NCKAP5: variants seen among roughly 807,000 people sequenced by gnomAD.
NCKAP5 encodes the protein nck-associated protein 5.
Under a neutral mutation model 167.0 loss-of-function variants are expected in NCKAP5, and 92 were observed. The ratio of observed to expected loss-of-function variants is 0.55; its 90% CI spans 0.47 to 0.66. NCKAP5 has a LOEUF of 0.66. NCKAP5 is among the 30% of genes least tolerant of loss of function. The probability of loss-of-function intolerance (pLI) is 0.00; values close to 1 mark genes in which losing one functional copy is unlikely to be tolerated. For synonymous variants in NCKAP5, 891 were observed against 877.4 expected, an observed-to-expected ratio of 1.02 and a Z score of -0.27; for missense variants, 2,378 against 2,315.0, an observed-to-expected ratio of 1.03 and a Z score of -0.56.
chr2:133,095,797 T>C (rs1397465314), intron 6 of NCKAP5, among the ~76,000 whole-genome samples: 1 of 152,226 alleles, frequency 6.6e-6, no homozygotes, highest in African/African-American at 2.4e-5. Context: ...ATTCTCCTAT[T>C]GATAAACAGT....
chr2:132,768,294 A>C (rs927266403), intron 16 of NCKAP5, among the ~76,000 whole-genome samples: 2 of 152,180 alleles, frequency 1.3e-5, no homozygotes, highest in African/African-American at 4.8e-5. Context: ...AAGATTTTAC[A>C]AATCCCCTGT....
chr2:133,273,111 T>C (rs1295543141), intron 4 of NCKAP5, among the ~76,000 whole-genome samples: 3 of 152,174 alleles, frequency 2.0e-5, no homozygotes, highest in African/African-American at 7.2e-5. Context: ...GTTTAACATT[T>C]TGAGGAACTG....
chr2:132,704,989 A>G (rs1311250724), intron 19 of NCKAP5, among the ~76,000 whole-genome samples: 3 of 152,142 alleles, frequency 2.0e-5, no homozygotes, highest in African/African-American at 2.4e-5. Context: ...GAAAACTGCA[A>G]TGCCTTCTAA....
intron 8 of NCKAP5, among the ~76,000 whole-genome samples, chr2:132,908,526 T>TAATA (rs878949978): frequency 6.6e-6 from 1 of 152,236 alleles, no homozygotes; most frequent in Admixed American, 6.5e-5. Flanking sequence ...TAATCTTGAC[T>TAATA]AATACTAAGC....
At chr2:133,056,722 G>A (rs1304217596) in intron 6 of NCKAP5, among the ~76,000 whole-genome samples, 2 of 152,154 alleles carry the variant, frequency 1.3e-5, no homozygotes, top group Admixed American at 1.3e-4. Flanking sequence ...TAAGTTACAA[G>A]TACTATATGG....
chr2:133,660,089 A>G, the NCKAP5 span, among the ~76,000 whole-genome samples: 1 of 152,090 alleles, frequency 6.6e-6, no homozygotes, highest in East Asian at 1.9e-4. Context: ...AATCCTCTCT[A>G]TTTCTCACAG....
chr2:132,881,085 C>T (rs1558894473), intron 8 of NCKAP5, among the ~76,000 whole-genome samples: 1 of 152,200 alleles, frequency 6.6e-6, no homozygotes. Context: ...AATTTTTTTC[C>T]AGTATACAAT....
intron 6 of NCKAP5, among the ~76,000 whole-genome samples, chr2:133,012,689 T>C (rs2078203009): frequency 6.6e-6 from 1 of 152,176 alleles, no homozygotes; most frequent in African/African-American, 2.4e-5. Context: ...AGTCTTCTCC[T>C]TCCTATCTCA....
chr2:132,891,655 T>C (rs1478581532), intron 8 of NCKAP5, among the ~76,000 whole-genome samples: 1 of 152,234 alleles, frequency 6.6e-6, no homozygotes, highest in Non-Finnish European at 1.5e-5. Flanking sequence ...GTGTGTGATT[T>C]GGAAAACCAT....
chr2:133,619,780 T>A, the NCKAP5 span, among the ~76,000 whole-genome samples: 2 of 152,088 alleles, frequency 1.3e-5, no homozygotes, highest in African/African-American at 4.8e-5. Context: ...TGTAAAAAGA[T>A]CATCACCTAG....
In NCKAP5 at chr2:133,558,704, C is replaced by CAAAAAAAAAAAAAAAAAAAAAAAAAAAAA. The variant is rs60051493; in HGVS notation, c.-62+345_-62+346insTTTTTTTTTTTTTTTTTTTTTTTTTTTTT. Among the ~76,000 whole-genome samples, 8 of 50,872 alleles carry CAAAAAAAAAAAAAAAAAAAAAAAAAAAAA rather than the reference C, an allele frequency of 1.6e-4. 3 individuals carry two copies. The highest frequency in any genetic ancestry group is 1.4e-3 in the East Asian group (2 of 1,382). 33.4% of individuals were successfully genotyped at this position (50,872 alleles called of 152,430 possible). ...ACATAAACAGATGCAATGTGCTGAG[C>CAAAAAAAAAAAAAAAAAAAAAAAAAAAAA]AAAAAAAAAAAAAAAAAAAAAAGCC... is the stretch of plus-strand genomic sequence containing the variant. On this transcript the variant is annotated intron_variant, in intron 2 of 19. Transcript: ENST00000409261.
At chr2:133,235,053 T>G (rs920156654) in intron 4 of NCKAP5, among the ~76,000 whole-genome samples, 7 of 151,288 alleles carry the variant, frequency 4.6e-5, no homozygotes, top group Non-Finnish European at 1.0e-4. Context: ...TAGAGTCTCA[T>G]GGAACTGAAG....
At chr2:133,061,939 A>AT (rs1210076565) in intron 6 of NCKAP5, among the ~76,000 whole-genome samples, 8 of 151,714 alleles carry the variant, frequency 5.3e-5, no homozygotes, top group African/African-American at 1.7e-4. Context: ...ACATGCCCAC[A>AT]TTTTTTTTGG....
chr2:133,592,871 T>C, the NCKAP5 span, among the ~76,000 whole-genome samples: 1 of 152,336 alleles, frequency 6.6e-6, no homozygotes, highest in East Asian at 1.9e-4. Flanking sequence ...TGTTATGACA[T>C]GCCCAGCTTC....
chr2:133,309,448 T>C (rs1251149847), intron 3 of NCKAP5, among the ~76,000 whole-genome samples: 3 of 152,122 alleles, frequency 2.0e-5, no homozygotes, highest in Admixed American at 6.5e-5. Context: ...GATAAAAGCA[T>C]TTCACCAAAG....
At position 132,783,918 on chromosome 2, in the gene NCKAP5, C is replaced by T; in HGVS notation, c.2893G>A (p.Ala965Thr). The T allele has an allele frequency of 6.4e-7, 1 of 1,564,424 alleles. No individual in the cohort carries two copies. The highest frequency in any genetic ancestry group is 1.2e-5 in the South Asian group (1 of 81,764). ...KSETRVPSET[A>T]RTPFKSPLLK... is the part of the protein sequence containing the mutation. The stretch of plus-strand genomic sequence containing the variant: ...AGCGGGGATTTGAATGGGGTCCTTG[C>T]TGTTTCACTGGGGACCCTGGTTTCG... The change falls in exon 14 of 20, where the codon GCA becomes ACA. Residue 965 changes from alanine (A) to threonine (T), a missense_variant. Ala to Thr is a moderately conservative substitution (Grantham distance 58, BLOSUM62 0). This residue lies in a region of NCKAP5 where 1,325 missense variants were observed against 1,274.5 expected (regional missense o/e 1.04). Transcript: ENST00000409261.
At chr2:132,868,111 C>T (rs577168664) in intron 10 of NCKAP5, among the ~76,000 whole-genome samples, 3 of 152,276 alleles carry the variant, frequency 2.0e-5, no homozygotes, top group Admixed American at 2.0e-4. Flanking sequence ...AATTATTTTG[C>T]TGCCATTTAT....
At chr2:133,664,921 T>G in the NCKAP5 span, among the ~76,000 whole-genome samples, 1 of 152,244 alleles carries the variant, frequency 6.6e-6, no homozygotes, top group Non-Finnish European at 1.5e-5. Flanking sequence ...AGGGATAGCT[T>G]CTTTCTTTAA....
At chr2:133,197,371 A>G (rs1247729712) in intron 5 of NCKAP5, among the ~76,000 whole-genome samples, 1 of 152,222 alleles carries the variant, frequency 6.6e-6, no homozygotes, top group Non-Finnish European at 1.5e-5. Flanking sequence ...AGCCCACAGA[A>G]GGCAGGTCAG....
Sources: gnomAD v4.1 joint callset for allele counts (sites outside exome capture counted in the v4.1 genomes callset) on GRCh38, gnomAD v4.1.1 for gene constraint, gnomAD v4.1.1 regional missense constraint, MANE v1.5 for transcripts, NCBI Gene and HGNC (gene_info 2026-07-23, HGNC 2026-07-21) for gene names.